The following NPY2R variants were observed in gnomAD, a reference collection of about 807,000 sequenced individuals.
NPY2R encodes neuropeptide Y receptor type 2.
Under a neutral mutation model 22.3 loss-of-function variants are expected in NPY2R, and 17 were observed. The observed-to-expected ratio is 0.76, with a 90% confidence interval of 0.52 to 1.14. The LOEUF (loss-of-function observed/expected upper bound fraction) is 1.14, where lower values mean the gene tolerates loss of function less well. Ranked by LOEUF, NPY2R falls within the 50% of genes most tolerant of loss-of-function variation. NPY2R has a pLI of 0.00. For synonymous variants in NPY2R, 209 were observed against 183.4 expected (o/e 1.14, Z -1.13); for missense variants, 424 against 467.9 (o/e 0.91, Z 0.87).
At chr4:155,204,154 A>G (rs1234191686), upstream of NPY2R, among the ~76,000 whole-genome samples, 1 of 152,060 alleles carries the variant, frequency 6.6e-6, no homozygotes, top group Non-Finnish European at 1.5e-5. Flanking sequence ...GATATGGCTT[A>G]CAAGTTACTC....
the NPY2R span, among the ~76,000 whole-genome samples, chr4:155,178,573 A>G: frequency 8.5e-5 from 13 of 152,324 alleles, no homozygotes; most frequent in Admixed American, 6.5e-4. Flanking sequence ...TTGTTCTACA[A>G]GTACTGAGAG....
At chr4:155,197,437 C>T in the NPY2R span, among the ~76,000 whole-genome samples, 1 of 151,790 alleles carries the variant, frequency 6.6e-6, no homozygotes, top group African/African-American at 2.4e-5. Context: ...TTCTTCCTTC[C>T]TTCCTTCTTT....
In NPY2R at chr4:155,215,067, A is replaced by G. The variant is rs532910631; in HGVS notation, c.1128A>G (p.Thr376=). The G allele has an allele frequency of 6.2e-7, 1 of 1,613,074 alleles. No individual in the cohort carries two copies. Among genetic ancestry groups the G allele is most frequent in the South Asian group, 1.1e-5 (1 of 91,086 alleles). ...RKNSGPNDSF[T]EATNV ...ACAGTGGCCCCAATGACTCTTTCAC[A>G]GAGGCTACCAATGTCTAAGGAAGCT... The change falls in exon 2 of 2, where the codon ACA becomes ACG. Residue 376 remains threonine (T), a synonymous_variant. Transcript: ENST00000329476.
chr4:155,177,645 T>C, the NPY2R span, among the ~76,000 whole-genome samples: 1 of 152,078 alleles, frequency 6.6e-6, no homozygotes, highest in African/African-American at 2.4e-5. Context: ...TGGGGTGTCT[T>C]TGTGGTAGCC....
At chr4:155,189,081 T>A in the NPY2R span, among the ~76,000 whole-genome samples, 62 of 152,208 alleles carry the variant, frequency 4.1e-4, 2 homozygotes, top group Admixed American at 3.8e-3. Context: ...GCCTTATTTG[T>A]GAATCACTGT....
chr4:155,216,439 A>G lies in NPY2R; in HGVS notation c.*1354A>G. The G allele has an allele frequency of 6.0e-6, 1 of 166,970 alleles. No individual in the cohort carries two copies. The allele number at this position is 166,970 out of a possible 1,614,324, so 10.3% of individuals were successfully genotyped here. On this transcript the variant is annotated 3_prime_UTR_variant, in exon 2 of 2. Transcript: ENST00000329476. ...TAACAACTGAGATGTTAAAATAGTC[A>G]TACGTCTTTAGATGCTATTAAAGTT...
the NPY2R span, among the ~76,000 whole-genome samples, chr4:155,191,926 G>T: frequency 1.3e-5 from 2 of 151,832 alleles, no homozygotes; most frequent in African/African-American, 4.8e-5. Flanking sequence ...TTGATTATTT[G>T]TAGGGCAATA....
the NPY2R span, among the ~76,000 whole-genome samples, chr4:155,188,941 T>A: frequency 0.47 from 70,849 of 151,848 alleles, 17,233 homozygotes; most frequent in East Asian, 0.69. Flanking sequence ...AGTGTTTTAC[T>A]TAGTAATAAA....
At chr4:155,207,072 C>T (rs777952839), upstream of NPY2R, 8 of 152,128 alleles carry the variant, frequency 5.3e-5, no homozygotes, top group Non-Finnish European at 8.8e-5. Flanking sequence ...ACCTTTGTTT[C>T]TAGGTATTTG....
the NPY2R span, among the ~76,000 whole-genome samples, chr4:155,187,748 T>C: frequency 6.6e-6 from 1 of 152,094 alleles, no homozygotes; most frequent in Non-Finnish European, 1.5e-5. Flanking sequence ...AAGAGTAAAA[T>C]GGTAAGGTGA....
At chr4:155,203,962 A>G (rs866901395), upstream of NPY2R, among the ~76,000 whole-genome samples, 4 of 152,196 alleles carry the variant, frequency 2.6e-5, no homozygotes, top group Admixed American at 6.5e-5. Flanking sequence ...TGGAGTTAAG[A>G]TAATTCTTCC....
At chr4:155,198,238 T>C in the NPY2R span, among the ~76,000 whole-genome samples, 2 of 151,882 alleles carry the variant, frequency 1.3e-5, no homozygotes, top group Non-Finnish European at 2.9e-5. Flanking sequence ...GTTACATCAG[T>C]GCAAAATTGG....
the NPY2R span, among the ~76,000 whole-genome samples, chr4:155,195,738 G>A: frequency 4.6e-5 from 7 of 151,906 alleles, no homozygotes; most frequent in South Asian, 1.5e-3. Flanking sequence ...CAAACAAAAC[G>A]ATTTCTTTAT....
At chr4:155,196,601 T>C in the NPY2R span, among the ~76,000 whole-genome samples, 1 of 151,752 alleles carries the variant, frequency 6.6e-6, no homozygotes, top group African/African-American at 2.4e-5. Flanking sequence ...TTTTGAGTAG[T>C]AGTTTGAATT....
the NPY2R span, among the ~76,000 whole-genome samples, chr4:155,187,779 T>G: frequency 6.6e-6 from 1 of 152,174 alleles, no homozygotes. Flanking sequence ...TATTCATGGC[T>G]CAGGTCATTT....
Position 155,215,020 on chromosome 4 carries a change from A to G in NPY2R, c.1081A>G (p.Lys361Glu). 6.2e-7 allele frequency: 1 copy of G among 1,614,112 alleles called. No homozygotes were observed. The highest frequency in any genetic ancestry group is 8.5e-7 in the Non-Finnish European group (1 of 1,180,034). The change falls in exon 2 of 2, where the codon AAG (lysine) becomes GAG (glutamate). Residue 361 changes from lysine (K) to glutamate (E), a missense_variant. By Grantham distance (56) the Lys-to-Glu change is moderately conservative. Transcript: ENST00000329476. ...GGTGTCCGTGACATTCAAGGCTAAA[A>G]AGAACCTGGAGGTCAGAAAGAACAG... ...SEVSVTFKAKKNLEVRKNSGP... is the reference protein window; with the variant it reads ...SEVSVTFKAKENLEVRKNSGP...
the NPY2R span, among the ~76,000 whole-genome samples, chr4:155,196,782 G>A: frequency 6.6e-6 from 1 of 151,136 alleles, no homozygotes; most frequent in Non-Finnish European, 1.5e-5. Flanking sequence ...TGGGGCCAGA[G>A]GGGGGATCTC....
At chr4:155,176,936 G>A in the NPY2R span, among the ~76,000 whole-genome samples, 3 of 152,070 alleles carry the variant, frequency 2.0e-5, no homozygotes, top group Admixed American at 6.5e-5. Context: ...AGCAGAAAAG[G>A]GCCTAAGCTA....
chr4:155,192,367 G>T, the NPY2R span, among the ~76,000 whole-genome samples: 1 of 151,782 alleles, frequency 6.6e-6, no homozygotes, highest in African/African-American at 2.4e-5. Flanking sequence ...TCACTTGTCT[G>T]ATTTGGGGTG....
Sources: gnomAD v4.1 joint callset for allele counts (sites outside exome capture counted in the v4.1 genomes callset) on GRCh38, gnomAD v4.1.1 for gene constraint, MANE v1.5 for transcripts, NCBI Gene and HGNC (gene_info 2026-07-23, HGNC 2026-07-21) for gene names.